Variants in OCA2 observed in about 807,000 individuals in gnomAD.
OCA2 encodes OCA2 melanosomal transmembrane protein.
OCA2 carries 77 observed loss-of-function variants against 100.2 expected under a neutral mutation model. The observed-to-expected ratio is 0.77, with a 90% CI of 0.64 to 0.93. The LOEUF is 0.93. Among genes scored for constraint, OCA2 ranks in the 40% least tolerant of loss-of-function variants. The probability of loss-of-function intolerance (pLI) is 0.00; values close to 1 mark genes in which losing one functional copy is unlikely to be tolerated. For missense variants in OCA2, 1,062 were observed against 1,089.1 expected (o/e 0.98, Z 0.35); for synonymous variants, 432 against 439.2 (o/e 0.98, Z 0.21).
chr15:27,832,830 A>ATTTTTTTT (rs112415796), intron 23 of OCA2, among the ~76,000 whole-genome samples: 4 of 135,740 alleles, frequency 2.9e-5, no homozygotes, highest in African/African-American at 1.1e-4. Context: ...TAAATATCTG[A>ATTTTTTTT]TTTTTTTTTT....
intron 19 of OCA2, among the ~76,000 whole-genome samples, chr15:27,882,633 G>C (rs2037065781): frequency 6.6e-6 from 1 of 151,898 alleles, no homozygotes; most frequent in African/African-American, 2.4e-5. Context: ...ACTGTCTCCT[G>C]GATACTGTCA....
chr15:27,938,563 A>T (rs371632295), intron 18 of OCA2, among the ~76,000 whole-genome samples: 1 of 152,190 alleles, frequency 6.6e-6, no homozygotes, highest in South Asian at 2.1e-4. Flanking sequence ...GAAGGCAGTA[A>T]CTAAAACTTT....
intron 19 of OCA2, among the ~76,000 whole-genome samples, chr15:27,897,098 G>C (rs1417939242): frequency 6.6e-6 from 1 of 151,864 alleles, no homozygotes; most frequent in Admixed American, 6.6e-5. Flanking sequence ...GCTGAGACAG[G>C]AGAATGCAGT....
intron 19 of OCA2, among the ~76,000 whole-genome samples, chr15:27,916,353 T>C (rs111718984): frequency 1.3e-5 from 2 of 152,050 alleles, no homozygotes; most frequent in African/African-American, 4.8e-5. Flanking sequence ...AAATGCAAAT[T>C]GGAAAGAAAA....
intron 23 of OCA2, among the ~76,000 whole-genome samples, chr15:27,812,819 T>A (rs1050864556): frequency 8.5e-5 from 13 of 152,266 alleles, no homozygotes; most frequent in African/African-American, 3.1e-4. Flanking sequence ...GCTGCTATTG[T>A]TTCATTGACT....
At chr15:27,825,318 C>T (rs1033436203) in intron 23 of OCA2, among the ~76,000 whole-genome samples, 2 of 152,186 alleles carry the variant, frequency 1.3e-5, no homozygotes, top group South Asian at 2.1e-4. Flanking sequence ...CACGTAGACA[C>T]AGTTTCCATC....
intron 15 of OCA2, among the ~76,000 whole-genome samples, chr15:27,963,269 G>A (rs965195792): frequency 6.6e-6 from 1 of 152,128 alleles, no homozygotes; most frequent in Non-Finnish European, 1.5e-5. Context: ...AACATTATCA[G>A]CCAATCTGAC....
intron 15 of OCA2, among the ~76,000 whole-genome samples, chr15:27,965,440 A>C (rs1248344831): frequency 6.6e-6 from 1 of 152,226 alleles, no homozygotes; most frequent in Non-Finnish European, 1.5e-5. Context: ...GGAGGAATGC[A>C]AAACAATGTT....
intron 18 of OCA2, among the ~76,000 whole-genome samples, chr15:27,931,770 G>A (rs151064054): frequency 5.3e-5 from 8 of 152,322 alleles, no homozygotes; most frequent in African/African-American, 1.4e-4. Flanking sequence ...TATTGAATAC[G>A]ATGTATAGAA....
intron 19 of OCA2, among the ~76,000 whole-genome samples, chr15:27,899,181 C>T (rs1413190925): frequency 6.6e-6 from 1 of 152,026 alleles, no homozygotes; most frequent in African/African-American, 2.4e-5. Flanking sequence ...GAAGAAAAAC[C>T]ATATTATTTT....
chr15:28,027,757 T>G, intron 4 of OCA2, 114 bp downstream of exon 4: 62 of 1,122,032 alleles, frequency 5.5e-5, no homozygotes, highest in Non-Finnish European at 7.2e-5. Context: ...CCTGGCCAGA[T>G]GAGACAAAAC....
At chr15:27,767,004 C>G (rs1048937086) in intron 23 of OCA2, among the ~76,000 whole-genome samples, 2 of 152,222 alleles carry the variant, frequency 1.3e-5, no homozygotes, top group Non-Finnish European at 2.9e-5. Context: ...TCGCCCCTAT[C>G]CAGCGGGAAG....
rs538627871 is a variant in OCA2 at position 27,877,919 on chromosome 15, T to A, written c.2080-5997A>T. ...CTTTTTTTATTCATTTCTGTGCCCA[T>A]TTTTTGCTTTCCTTTGGGTTACTTG... is the stretch of plus-strand genomic sequence containing the variant. On this transcript the variant is annotated intron_variant, in intron 19 of 23. Transcript: ENST00000354638. Among the ~76,000 whole-genome samples the A allele has an allele frequency of 2.0e-5, 3 of 151,752 alleles. No individual in the cohort carries two copies. The South Asian group carries it at 6.2e-4, about 31-fold the overall frequency.
intron 23 of OCA2, among the ~76,000 whole-genome samples, chr15:27,782,873 A>G (rs1161180185): frequency 2.6e-5 from 4 of 152,238 alleles, no homozygotes; most frequent in African/African-American, 9.6e-5. Context: ...ATTAGCTCAT[A>G]AATTTGCAGA....
Position 28,081,770 on chromosome 15 carries a change from C to A in OCA2, c.105G>T (p.Lys35Asn). ...CACCGGCTCCCCGAGGAAGCCTGCGCTTGCCGGCCACAAGTTCAGCGAGTC... is the reference window on the plus strand; with the variant it reads ...CACCGGCTCCCCGAGGAAGCCTGCGATTGCCGGCCACAAGTTCAGCGAGTC... ...PSGLAELVAG[K>N]RRLPRGAGGA... Residue 35 changes from lysine to asparagine, a missense_variant, in exon 2 of 24, where the codon AAG (lysine) becomes AAT (asparagine). Physicochemically the swap from Lys to Asn is moderately conservative, Grantham distance 94. Transcript: ENST00000354638. The A allele has an allele frequency of 6.2e-7, 1 of 1,613,366 alleles. No individual in the cohort carries two copies. The highest frequency in any genetic ancestry group is 8.5e-7 in the Non-Finnish European group (1 of 1,179,876).
intron 19 of OCA2, among the ~76,000 whole-genome samples, chr15:27,904,129 C>T (rs1429835921): frequency 6.6e-6 from 1 of 152,160 alleles, no homozygotes; most frequent in Non-Finnish European, 1.5e-5. Context: ...TTCCTTTCGC[C>T]TCTGAACCTT....
intron 23 of OCA2, among the ~76,000 whole-genome samples, chr15:27,808,295 G>C (rs190802375): frequency 5.7e-4 from 87 of 152,364 alleles, no homozygotes; most frequent in Middle Eastern, 3.4e-3. Context: ...TGTTAAGCTG[G>C]GGAAGTGATG....
At chr15:27,768,141 C>T (rs185852135) in intron 23 of OCA2, among the ~76,000 whole-genome samples, 2 of 152,248 alleles carry the variant, frequency 1.3e-5, no homozygotes, top group South Asian at 2.1e-4. Context: ...CTGTGAGGTG[C>T]GGCCCCTGCC....
intron 23 of OCA2, among the ~76,000 whole-genome samples, chr15:27,831,527 C>T (rs535766179): frequency 2.0e-5 from 3 of 152,160 alleles, no homozygotes; most frequent in Non-Finnish European, 2.9e-5. Flanking sequence ...TGCCACACAC[C>T]GGACGTGGTG....
Sources: allele counts gnomAD v4.1 joint callset (sites outside exome capture counted in the v4.1 genomes callset), GRCh38; gene constraint gnomAD v4.1.1; transcripts MANE v1.5; gene names NCBI Gene and HGNC (gene_info 2026-07-23, HGNC 2026-07-21).